TMTC3: variants seen among roughly 807,000 people sequenced by gnomAD.
TMTC3 encodes the protein transmembrane O-mannosyltransferase targeting cadherins 3.
In TMTC3, 52 loss-of-function variants were observed where a neutral mutation model predicts 92.2. That is an observed-to-expected ratio of 0.56 (90% confidence interval 0.45 to 0.71). The LOEUF (loss-of-function observed/expected upper bound fraction) is 0.71. Among genes scored for constraint, TMTC3 ranks in the 30% least tolerant of loss-of-function variants. The pLI is 0.00. For synonymous variants in TMTC3, 339 were observed against 363.3 expected (o/e 0.93, Z 0.76); for missense variants, 896 against 1,057.1 (o/e 0.85, Z 2.11).
intron 3 of TMTC3, among the ~76,000 whole-genome samples, chr12:88,153,866 G>C (rs2040974310): frequency 6.6e-6 from 1 of 151,628 alleles, no homozygotes; most frequent in African/African-American, 2.4e-5. Flanking sequence ...TTATTTTTCA[G>C]ATTTATTATG....
At chr12:88,151,031 G>T (rs999594991) in intron 2 of TMTC3, among the ~76,000 whole-genome samples, 4 of 151,950 alleles carry the variant, frequency 2.6e-5, no homozygotes, top group African/African-American at 9.7e-5. Flanking sequence ...AATTTGCCTG[G>T]GGCATTTAAA....
At chr12:88,157,920 A>G (rs2041029966) in intron 4 of TMTC3, among the ~76,000 whole-genome samples, 3 of 152,154 alleles carry the variant, frequency 2.0e-5, no homozygotes, top group Admixed American at 6.6e-5. Context: ...CTCTTAGTTG[A>G]GATGGAATTC....
At chr12:88,152,765 A>G (rs1260148006) in intron 2 of TMTC3, among the ~76,000 whole-genome samples, 1 of 152,204 alleles carries the variant, frequency 6.6e-6, no homozygotes, top group Non-Finnish European at 1.5e-5. Context: ...GGGAATTCCT[A>G]GTTTAATATA....
intron 2 of TMTC3, among the ~76,000 whole-genome samples, chr12:88,152,395 C>G (rs575480172): frequency 6.6e-6 from 1 of 152,246 alleles, no homozygotes; most frequent in East Asian, 1.9e-4. Flanking sequence ...AAGGACCCAA[C>G]CCCAATGACC....
rs2041127729 is a variant in TMTC3 at position 88,164,983 on chromosome 12, A to G, written c.798-1347A>G. 2.0e-5 allele frequency among the ~76,000 whole-genome samples: 3 copies of G among 152,272 alleles called. No homozygotes were observed. In the South Asian group the frequency reaches 6.2e-4, roughly 32 times the overall value. ...AAATAGAGAAGATTGAATTGTTTAT[A>G]TAAGACTTCGGATTTCCTTCTTAGT... On this transcript the variant is annotated intron_variant, in intron 6 of 13. Coordinates refer to ENST00000266712, the MANE Select transcript of TMTC3 (RefSeq NM_181783.4).
intron 7 of TMTC3, among the ~76,000 whole-genome samples, chr12:88,170,037 C>CA (rs2041187765): frequency 2.6e-5 from 4 of 152,016 alleles, no homozygotes; most frequent in Admixed American, 2.6e-4. Context: ...AGATTTGTCT[C>CA]GAACTCTTTG....
chr12:88,148,371 G>C lies in TMTC3; in HGVS notation c.56G>C (p.Cys19Ser). 6.2e-7 allele frequency: 1 copy of C among 1,613,518 alleles called. No homozygotes were observed. Among genetic ancestry groups the C allele is most frequent in the Non-Finnish European group, 8.5e-7 (1 of 1,179,698 alleles). ...TTAATAGTAGGTGTGGTTACTGCCT[G>C]CTATTGGAACAGCCTCTTTTGTGGT... ...ITLIVGVVTA[C>S]YWNSLFCGFV... The change falls in exon 2 of 14, where the codon TGC (cysteine) becomes TCC (serine). Residue 19 changes from cysteine (C) to serine (S), a missense_variant. Cys to Ser is a moderately radical substitution (Grantham distance 112, BLOSUM62 -1). Coordinates refer to ENST00000266712, the MANE Select transcript of TMTC3 (RefSeq NM_181783.4).
chr12:88,156,192 T>C (rs1345373517), intron 4 of TMTC3, among the ~76,000 whole-genome samples: 1 of 152,256 alleles, frequency 6.6e-6, no homozygotes, highest in Non-Finnish European at 1.5e-5. Context: ...GTTTGTTCTC[T>C]CTGTTTTATG....
intron 6 of TMTC3, among the ~76,000 whole-genome samples, chr12:88,165,672 A>C (rs2041135039): frequency 6.6e-6 from 1 of 152,122 alleles, no homozygotes; most frequent in African/African-American, 2.4e-5. Flanking sequence ...CTGGGAAAAG[A>C]TAAACTATGA....
At position 88,197,045 on chromosome 12, in the gene TMTC3, T is replaced by C. The variant is rs2138454055; in HGVS notation, c.*1396T>C. On this transcript the variant is annotated 3_prime_UTR_variant, in exon 14 of 14. Transcript: ENST00000266712. ...TGGTTCTAATTTAAAATATGAAAGC[T>C]CTGGCTATCATCCTGGGATAGTAAT... The C allele has an allele frequency of 6.6e-6, 1 of 152,310 alleles. No homozygotes were observed. Among genetic ancestry groups the C allele is most frequent in the East Asian group, 1.9e-4 (1 of 5,184 alleles). 9.4% of individuals were successfully genotyped at this position (152,310 alleles called of 1,614,324 possible).
Position 88,199,033 on chromosome 12 carries a change from C to T in TMTC3, c.*3384C>T, listed in dbSNP as rs973737094. 1 of 100,340 alleles carries T rather than the reference C, an allele frequency of 1.0e-5. No homozygotes were observed. Among genetic ancestry groups the T allele is most frequent in the Non-Finnish European group, 2.1e-5 (1 of 46,756 alleles). 6.2% of individuals were successfully genotyped at this position (100,340 alleles called of 1,614,324 possible). A position where few individuals can be genotyped will look rare whatever the true frequency, so the allele number is the denominator to read the frequency against. Reference sequence around the variant, plus strand: ...AAATTGGTACTTCTTAAAACCATAACCTGGCTTGCCTTTTAGTGTTAAAAA... The same window carrying T: ...AAATTGGTACTTCTTAAAACCATAATCTGGCTTGCCTTTTAGTGTTAAAAA... On this transcript the variant is annotated 3_prime_UTR_variant, in exon 14 of 14. Coordinates refer to ENST00000266712, the MANE Select transcript of TMTC3 (RefSeq NM_181783.4).
intron 7 of TMTC3, among the ~76,000 whole-genome samples, chr12:88,169,670 C>T (rs1424948531): frequency 2.0e-5 from 3 of 152,026 alleles, no homozygotes; most frequent in Non-Finnish European, 4.4e-5. Flanking sequence ...TGGGTTCAAT[C>T]GCTCATGCCT....
At chr12:88,159,627 T>TAA (rs1207750329) in intron 4 of TMTC3, among the ~76,000 whole-genome samples, 3 of 151,758 alleles carry the variant, frequency 2.0e-5, no homozygotes, top group Non-Finnish European at 2.9e-5. Context: ...CCACTGTACT[T>TAA]ACTCCAGCCT....
intron 1 of TMTC3, among the ~76,000 whole-genome samples, chr12:88,146,635 GTA>G (rs905584697): frequency 4.7e-5 from 7 of 147,838 alleles, no homozygotes; most frequent in African/African-American, 1.5e-4. Flanking sequence ...ACATATATAT[GTA>G]TATATATGTA....
At position 88,195,829 on chromosome 12, in the gene TMTC3, G is replaced by A. The variant is rs957513329; in HGVS notation, c.*180G>A. The A allele has an allele frequency of 1.3e-5, 6 of 464,714 alleles. No homozygotes were observed. Among genetic ancestry groups the A allele is most frequent in the Middle Eastern group, 1.1e-3 (2 of 1,780 alleles). The allele number at this position is 464,714 out of a possible 1,614,324, so 28.8% of individuals were successfully genotyped here. On this transcript the variant is annotated 3_prime_UTR_variant, in exon 14 of 14. Transcript: ENST00000266712. Reference sequence around the variant, plus strand: ...TGTATTATCCCAGGATGTATATTATGTATCGCTGTTTTCAGAGTGTGGGTG... The same window carrying A: ...TGTATTATCCCAGGATGTATATTATATATCGCTGTTTTCAGAGTGTGGGTG...
intron 1 of TMTC3, among the ~76,000 whole-genome samples, chr12:88,144,627 G>A (rs1351588323): frequency 6.6e-6 from 1 of 152,080 alleles, no homozygotes; most frequent in Non-Finnish European, 1.5e-5. Context: ...TTGTAACCTA[G>A]ATCTCAGTGA....
At position 88,197,380 on chromosome 12, in the gene TMTC3, A is replaced by C. The variant is rs1038257531; in HGVS notation, c.*1731A>C. ...AAAACAATGCCTAATTTCAGTTCTT[A>C]GGTTATGGCTTGTGACTCCAGATAA... is the stretch of plus-strand genomic sequence containing the variant. On this transcript the variant is annotated 3_prime_UTR_variant, in exon 14 of 14. Coordinates refer to ENST00000266712, the MANE Select transcript of TMTC3 (RefSeq NM_181783.4). 1.3e-5 allele frequency: 2 copies of C among 149,154 alleles called. No homozygotes were observed. The highest frequency in any genetic ancestry group is 2.5e-5 in the African/African-American group (1 of 40,250). The allele number at this position is 149,154 out of a possible 1,614,324, so 9.2% of individuals were successfully genotyped here.
At chr12:88,169,922 G>A (rs2041185924) in intron 7 of TMTC3, among the ~76,000 whole-genome samples, 1 of 131,042 alleles carries the variant, frequency 7.6e-6, no homozygotes. Flanking sequence ...CTGGATGACA[G>A]ACAAGACCCT....
At chr12:88,165,425 T>G in intron 6 of TMTC3, among the ~76,000 whole-genome samples, 1 of 152,196 alleles carries the variant, frequency 6.6e-6, no homozygotes, top group East Asian at 1.9e-4. Flanking sequence ...AAAAATAATA[T>G]GTAAGTTGTG....
Sources: gnomAD v4.1 joint callset for allele counts (sites outside exome capture counted in the v4.1 genomes callset) on GRCh38, gnomAD v4.1.1 for gene constraint, MANE v1.5 for transcripts, NCBI Gene and HGNC (gene_info 2026-07-23, HGNC 2026-07-21) for gene names.